Variants in NAALADL2 observed in about 807,000 individuals in gnomAD.
NAALADL2 encodes the protein inactive N-acetylated-alpha-linked acidic dipeptidase-like protein 2.
In NAALADL2, 76 loss-of-function variants were observed where a neutral mutation model predicts 87.2. The ratio of observed to expected loss-of-function variants is 0.87; its 90% CI spans 0.72 to 1.05. The LOEUF (loss-of-function observed/expected upper bound fraction) is 1.05. NAALADL2 is among the 50% of genes least tolerant of loss of function. The pLI is 0.00. For synonymous variants in NAALADL2, 354 were observed against 331.0 expected (o/e 1.07, Z -0.75); for missense variants, 1,089 against 945.8 (o/e 1.15, Z -1.99).
intron 2 of NAALADL2, among the ~76,000 whole-genome samples, chr3:174,604,375 T>A (rs1340627360): frequency 6.6e-6 from 1 of 152,328 alleles, no homozygotes; most frequent in African/African-American, 2.4e-5. Flanking sequence ...GATTTAAGTA[T>A]AGTTACTCCT....
intron 2 of NAALADL2, among the ~76,000 whole-genome samples, chr3:175,104,903 T>G (rs952644611): frequency 6.6e-6 from 1 of 152,110 alleles, no homozygotes; most frequent in Non-Finnish European, 1.5e-5. Context: ...GTAAGGCAAC[T>G]CCTTAACTCG....
At chr3:174,770,346 G>T (rs895392407) in intron 3 of NAALADL2, among the ~76,000 whole-genome samples, 1 of 152,106 alleles carries the variant, frequency 6.6e-6, no homozygotes, top group Non-Finnish European at 1.5e-5. Flanking sequence ...ATGTTAAATT[G>T]GTGAGAACAG....
chr3:175,705,554 G>GA (rs10717263), intron 11 of NAALADL2, among the ~76,000 whole-genome samples: 2,163 of 142,560 alleles, frequency 0.015, 17 homozygotes, highest in Non-Finnish European at 0.023. Flanking sequence ...GAAAGAAGAA[G>GA]AAAAAAAAAA....
intron 5 of NAALADL2, among the ~76,000 whole-genome samples, chr3:175,395,622 A>G (rs10936848): frequency 0.07 from 10,641 of 152,278 alleles, 441 homozygotes; most frequent in East Asian, 0.13. Flanking sequence ...ATATGACCAC[A>G]TGCCTGGAAT....
chr3:175,098,445 T>C (rs1721528337), intron 2 of NAALADL2, among the ~76,000 whole-genome samples: 1 of 152,112 alleles, frequency 6.6e-6, no homozygotes, highest in Non-Finnish European at 1.5e-5. Context: ...GAGCCATTAC[T>C]AAACCTAGTC....
intron 11 of NAALADL2, among the ~76,000 whole-genome samples, chr3:175,716,002 G>A (rs979345077): frequency 6.6e-6 from 1 of 151,344 alleles, no homozygotes; most frequent in Non-Finnish European, 1.5e-5. Flanking sequence ...TGTAAGGAAT[G>A]AGCTGTGATT....
At position 175,713,121 on chromosome 3, in the gene NAALADL2, T is replaced by G. The variant is rs577717442; in HGVS notation, c.1897-24185T>G. Among the ~76,000 whole-genome samples the G allele has an allele frequency of 1.1e-3, 161 of 152,254 alleles. 1 individual carries two copies. Among genetic ancestry groups the G allele is most frequent in the Non-Finnish European group, 1.6e-3 (107 of 67,996 alleles). ...GAAATTGGAAGTCAAACTGTGATTTTATTTTCATATAAAAACTCTGAATTA... is the reference window on the plus strand; with the variant it reads ...GAAATTGGAAGTCAAACTGTGATTTGATTTTCATATAAAAACTCTGAATTA... On this transcript the variant is annotated intron_variant, in intron 11 of 13. Transcript: ENST00000454872.
intron 1 of NAALADL2, among the ~76,000 whole-genome samples, chr3:175,028,722 A>T (rs936861942): frequency 1.2e-4 from 18 of 152,150 alleles, no homozygotes; most frequent in Admixed American, 8.5e-4. Context: ...TATCAAAAAA[A>T]GATATATTTC....
intron 3 of NAALADL2, among the ~76,000 whole-genome samples, chr3:174,747,136 G>GA (rs1480882851): frequency 1.3e-5 from 2 of 151,814 alleles, no homozygotes; most frequent in Non-Finnish European, 2.9e-5. Context: ...TCAGAGTGAA[G>GA]AAAAAACCTA....
At chr3:175,323,743 T>C (rs555067280) in intron 4 of NAALADL2, among the ~76,000 whole-genome samples, 16 of 149,098 alleles carry the variant, frequency 1.1e-4, no homozygotes, top group Admixed American at 6.7e-4. Context: ...AAAGGCCGGG[T>C]GCAGTGGCTC....
intron 1 of NAALADL2, among the ~76,000 whole-genome samples, chr3:174,937,421 A>C (rs967038847): frequency 1.3e-5 from 2 of 152,090 alleles, no homozygotes; most frequent in African/African-American, 4.8e-5. Context: ...GGAAGCTCTC[A>C]GGCTAAGATT....
At chr3:174,941,174 G>A (rs1278234907) in intron 1 of NAALADL2, among the ~76,000 whole-genome samples, 2 of 152,042 alleles carry the variant, frequency 1.3e-5, no homozygotes, top group East Asian at 3.8e-4. Context: ...TGTCTTAGCT[G>A]GATCCCAGAG....
intron 2 of NAALADL2, among the ~76,000 whole-genome samples, chr3:175,155,081 A>G (rs1249722940): frequency 6.6e-6 from 1 of 151,910 alleles, no homozygotes; most frequent in Admixed American, 6.6e-5. Flanking sequence ...GGTTTTAAAA[A>G]CCCATCTCAG....
At chr3:174,568,220 AACTT>A (rs1473311288) in intron 2 of NAALADL2, among the ~76,000 whole-genome samples, 1 of 151,726 alleles carries the variant, frequency 6.6e-6, no homozygotes, top group East Asian at 1.9e-4. Flanking sequence ...ACAAATTAAT[AACTT>A]AATTAAGTAC....
intron 1 of NAALADL2, among the ~76,000 whole-genome samples, chr3:174,524,905 T>G (rs982845061): frequency 6.6e-6 from 1 of 152,138 alleles, no homozygotes; most frequent in Non-Finnish European, 1.5e-5. Flanking sequence ...CCTAACATTG[T>G]AGCACAAAGC....
intron 1 of NAALADL2, among the ~76,000 whole-genome samples, chr3:174,876,301 TG>T (rs1560311455): frequency 1.3e-5 from 2 of 152,142 alleles, no homozygotes; most frequent in East Asian, 3.9e-4. Context: ...ACCATGAAGC[TG>T]TTGATATTTT....
At chr3:174,765,712 G>A (rs532165561) in intron 3 of NAALADL2, among the ~76,000 whole-genome samples, 298 of 152,250 alleles carry the variant, frequency 2.0e-3, no homozygotes, top group South Asian at 5.4e-3. Flanking sequence ...GATAATACAG[G>A]TTTTTATATT....
chr3:175,060,505 C>T (rs867474829), intron 1 of NAALADL2, among the ~76,000 whole-genome samples: 1 of 152,092 alleles, frequency 6.6e-6, no homozygotes, highest in Admixed American at 6.6e-5. Flanking sequence ...AATGCTTTTG[C>T]TCTGGATAGT....
chr3:175,642,058 A>T (rs1037596050), intron 11 of NAALADL2, among the ~76,000 whole-genome samples: 4 of 152,208 alleles, frequency 2.6e-5, no homozygotes, highest in African/African-American at 9.6e-5. Context: ...GAACAATGCC[A>T]GTCCCTGAAA....
Sources: allele counts gnomAD v4.1 joint callset (sites outside exome capture counted in the v4.1 genomes callset), GRCh38; gene constraint gnomAD v4.1.1; transcripts MANE v1.5; gene names NCBI Gene and HGNC (gene_info 2026-07-23, HGNC 2026-07-21).